Variants in SUCO observed in about 807,000 individuals in gnomAD.
SUCO encodes the protein SUN domain-containing ossification factor.
In SUCO, 57 loss-of-function variants were observed where a neutral mutation model predicts 148.1. The ratio of observed to expected loss-of-function variants is 0.38; its 90% CI spans 0.31 to 0.48. SUCO has a LOEUF of 0.48. SUCO is among the 20% of genes least tolerant of loss of function. The probability of loss-of-function intolerance (pLI) is 0.96; values close to 1 mark genes in which losing one functional copy is unlikely to be tolerated. For synonymous variants in SUCO, 470 were observed against 502.7 expected (o/e 0.93, Z 0.87); for missense variants, 1,331 against 1,468.2 (o/e 0.91, Z 1.53).
intron 6 of SUCO, among the ~76,000 whole-genome samples, chr1:172,567,705 CAT>C (rs1199224835): frequency 6.6e-6 from 1 of 152,184 alleles, no homozygotes; most frequent in Non-Finnish European, 1.5e-5. Flanking sequence ...TTTGGACACA[CAT>C]GAGTGTTTTC....
intron 9 of SUCO, among the ~76,000 whole-genome samples, chr1:172,572,050 GGCCAGCC>G (rs1359365751): frequency 1.4e-5 from 1 of 71,952 alleles, no homozygotes; most frequent in Non-Finnish European, 2.8e-5. Context: ...CCCCCCGCCC[GGCCAGCC>G]GCCCCGTCCG....
Position 172,584,717 on chromosome 1 carries a change from A to C in SUCO, c.1499-301A>C, listed in dbSNP as rs554370474. ...GAACCTGGGAGGCAGAGGTTGTTGC[A>C]GTGAGCCGAGATTGCACCACTGCAC... On this transcript the variant is annotated intron_variant, in intron 15 of 23. Coordinates refer to ENST00000263688, the MANE Select transcript of SUCO (RefSeq NM_014283.5). Among the ~76,000 whole-genome samples the C allele has an allele frequency of 5.3e-5, 8 of 152,280 alleles. No homozygotes were observed. The East Asian group carries it at 1.5e-3, about 29-fold the overall frequency.
At chr1:172,609,608 A>G (rs1558219422) in intron 23 of SUCO, 4 of 985,200 alleles carry the variant, frequency 4.1e-6, no homozygotes, top group Non-Finnish European at 4.8e-6. Context: ...AGCAATTTAA[A>G]GAGTTTTGAT....
intron 7 of SUCO, 117 bp downstream of exon 7, chr1:172,569,259 G>A: frequency 9.0e-7 from 1 of 1,112,410 alleles, no homozygotes; most frequent in Non-Finnish European, 1.2e-6. Context: ...ACTTTTTAAA[G>A]GTGAAACTTA....
intron 6 of SUCO, among the ~76,000 whole-genome samples, chr1:172,562,327 ATTT>A (rs34871543): frequency 2.9e-5 from 4 of 137,696 alleles, no homozygotes; most frequent in African/African-American, 2.7e-5. Context: ...GGGTTTTAAC[ATTT>A]TTTTTTTTTT....
At chr1:172,577,388 C>A in intron 11 of SUCO, 151 bp from the exon 12 acceptor site, 1 of 680,662 alleles carries the variant, frequency 1.5e-6, no homozygotes, top group Non-Finnish European at 2.2e-6. Flanking sequence ...TTTATTTCTG[C>A]AAGGAATTAA....
chr1:172,548,777 A>G (rs1437683066), intron 1 of SUCO, among the ~76,000 whole-genome samples: 1 of 151,956 alleles, frequency 6.6e-6, no homozygotes, highest in Non-Finnish European at 1.5e-5. Context: ...GCTTTAGTTT[A>G]CTATCGGTAT....
intron 22 of SUCO, chr1:172,608,259 CT>C (rs1429068208): frequency 2.2e-5 from 5 of 223,018 alleles, no homozygotes; most frequent in African/African-American, 1.2e-4. Flanking sequence ...TCTTGGATCT[CT>C]TTTTGTGTTT....
chr1:172,538,587 A>G (rs571329944), intron 1 of SUCO, among the ~76,000 whole-genome samples: 1 of 152,114 alleles, frequency 6.6e-6, no homozygotes, highest in South Asian at 2.1e-4. Flanking sequence ...TACGGAATCT[A>G]TTTCTTTTCT....
intron 1 of SUCO, chr1:172,543,128 A>T (rs1440292852): frequency 4.5e-6 from 2 of 443,082 alleles, no homozygotes; most frequent in Middle Eastern, 1.1e-3. Context: ...TCTTACATGC[A>T]GCTTTGATTA....
chr1:172,599,561 T>G (rs1657363402), intron 19 of SUCO: 1 of 202,296 alleles, frequency 4.9e-6, no homozygotes, highest in Admixed American at 6.5e-5. Flanking sequence ...GGATGAACAA[T>G]TATGGATATT....
At chr1:172,533,098 G>C (rs1651713604), upstream of SUCO, 3 of 1,428,606 alleles carry the variant, frequency 2.1e-6, no homozygotes, top group Non-Finnish European at 2.7e-6. Flanking sequence ...AGTACGCGGC[G>C]GCCGTTGGTC....
intron 18 of SUCO, chr1:172,590,431 T>A: frequency 2.2e-6 from 2 of 893,098 alleles, no homozygotes; most frequent in Non-Finnish European, 2.7e-6. Context: ...TAATTTCTGC[T>A]TTTAAGTGCC....
Position 172,555,858 on chromosome 1 carries a change from T to G in SUCO, c.289-11T>G. 1.3e-6 allele frequency: 2 copies of G among 1,582,556 alleles called. No individual in the cohort carries two copies. The highest frequency in any genetic ancestry group is 1.7e-6 in the Non-Finnish European group (2 of 1,165,172). On this transcript the variant is annotated splice_polypyrimidine_tract_variant and intron_variant, in intron 3 of 23. Transcript: ENST00000263688. ...CAACATTTAATTTAGCTGACTTGTTTTTTTAAACAGAATACAGAGTCAAAA... is the reference window on the plus strand; with the variant it reads ...CAACATTTAATTTAGCTGACTTGTTGTTTTAAACAGAATACAGAGTCAAAA...
intron 6 of SUCO, among the ~76,000 whole-genome samples, chr1:172,564,598 A>G (rs1654422930): frequency 6.7e-6 from 1 of 150,362 alleles, no homozygotes; most frequent in Non-Finnish European, 1.5e-5. Context: ...ACTGTGATTC[A>G]GTTAAACTTT....
intron 1 of SUCO, chr1:172,541,959 CAA>C: frequency 2.0e-6 from 1 of 493,882 alleles, no homozygotes; most frequent in Non-Finnish European, 2.6e-6. Context: ...TGGTGGTGGT[CAA>C]AAAGAAGTGG....
intron 1 of SUCO, among the ~76,000 whole-genome samples, chr1:172,545,920 C>CCTTT: frequency 6.7e-6 from 1 of 149,914 alleles, no homozygotes; most frequent in Admixed American, 6.6e-5. Flanking sequence ...TTCCTTCCTT[C>CCTTT]CTTTCCTTTC....
intron 22 of SUCO, among the ~76,000 whole-genome samples, chr1:172,606,462 C>T (rs1657874891): frequency 6.6e-6 from 1 of 151,720 alleles, no homozygotes; most frequent in Non-Finnish European, 1.5e-5. Context: ...CTTGTATCTT[C>T]TCCTTAACAA....
chr1:172,564,223 C>A lies in SUCO; in HGVS notation c.733-4796C>A, dbSNP rs565600609. Among the ~76,000 whole-genome samples the A allele has an allele frequency of 9.8e-5, 15 of 152,382 alleles. No homozygotes were observed. In the South Asian group the frequency reaches 3.1e-3, roughly 32 times the overall value. ...GGTGGGAACCCCCAATCCCCAGCAT[C>A]CCCACTGGAGCACTGCCTAATGGAG... On this transcript the variant is annotated intron_variant, in intron 6 of 23. Coordinates refer to ENST00000263688, the MANE Select transcript of SUCO (RefSeq NM_014283.5).
Sources: allele counts gnomAD v4.1 joint callset (sites outside exome capture counted in the v4.1 genomes callset), GRCh38; gene constraint gnomAD v4.1.1; transcripts MANE v1.5; gene names NCBI Gene and HGNC (gene_info 2026-07-23, HGNC 2026-07-21).